STK39: variants seen among roughly 807,000 people sequenced by gnomAD.
The protein encoded by STK39 is serine/threonine kinase 39, also known as STE20/SPS1-related proline-alanine-rich protein kinase.
Under a neutral mutation model 77.8 loss-of-function variants are expected in STK39, and 20 were observed. The ratio of observed to expected loss-of-function variants is 0.26; its 90% CI spans 0.18 to 0.37. STK39 has a LOEUF of 0.37. STK39 is among the 10% of genes least tolerant of loss of function. STK39 has a pLI of 1.00. For synonymous variants in STK39, 246 were observed against 234.1 expected, an observed-to-expected ratio of 1.05 and a Z score of -0.47; for missense variants, 479 against 656.5, an observed-to-expected ratio of 0.73 and a Z score of 2.95.
intron 16 of STK39, among the ~76,000 whole-genome samples, chr2:167,987,977 T>C (rs1683602708): frequency 6.6e-6 from 1 of 152,192 alleles, no homozygotes; most frequent in Admixed American, 6.5e-5. Flanking sequence ...TCGTATTTGC[T>C]CCATTTGCAG....
chr2:167,983,453 C>CA lies in STK39; in HGVS notation c.1499-18728dup, dbSNP rs761596679. ...TGCGCAACAAGAGTGAAACTCCATC[C>CA]AAAAAAAAAAAAAAAAAGAAATGAA... is the stretch of plus-strand genomic sequence containing the variant. On this transcript the variant is annotated intron_variant, in intron 16 of 17. Transcript: ENST00000355999. 7.7e-3 allele frequency among the ~76,000 whole-genome samples: 708 copies of CA among 92,108 alleles called. 16 individuals carry two copies. Among genetic ancestry groups the CA allele is most frequent in the Middle Eastern group, 0.022 (4 of 184 alleles). 60.4% of individuals were successfully genotyped at this position (92,108 alleles called of 152,430 possible). A position where few individuals can be genotyped will look rare whatever the true frequency, so the allele number is the denominator to read the frequency against.
At chr2:168,155,593 T>C (rs1688406347) in intron 5 of STK39, among the ~76,000 whole-genome samples, 1 of 146,430 alleles carries the variant, frequency 6.8e-6, no homozygotes, top group South Asian at 2.2e-4. Context: ...TTAATTTTCA[T>C]GTGTATTCTA....
chr2:168,007,959 C>T (rs993797227), intron 16 of STK39, among the ~76,000 whole-genome samples: 1 of 152,154 alleles, frequency 6.6e-6, no homozygotes, highest in Non-Finnish European at 1.5e-5. Context: ...AGTAAAGTCA[C>T]AAGGTTGTGC....
intron 2 of STK39, among the ~76,000 whole-genome samples, chr2:168,174,583 T>C (rs1574527479): frequency 6.6e-6 from 1 of 152,256 alleles, no homozygotes; most frequent in Admixed American, 6.5e-5. Flanking sequence ...TTTTGGGCTC[T>C]AAAAGTGCTG....
At chr2:168,069,826 G>GT (rs1685893240) in intron 12 of STK39, among the ~76,000 whole-genome samples, 1 of 152,168 alleles carries the variant, frequency 6.6e-6, no homozygotes, top group Admixed American at 6.5e-5. Context: ...TCCAGCCAGG[G>GT]TTGTGAACTG....
chr2:167,997,590 T>C (rs1188809961), intron 16 of STK39, among the ~76,000 whole-genome samples: 1 of 152,200 alleles, frequency 6.6e-6, no homozygotes, highest in East Asian at 1.9e-4. Flanking sequence ...GAGCTGGGAT[T>C]TGAACCTGCA....
chr2:168,201,497 G>A (rs16855112), intron 1 of STK39, among the ~76,000 whole-genome samples: 4,902 of 152,156 alleles, frequency 0.032, 252 homozygotes, highest in East Asian at 0.24. Flanking sequence ...TCAGTGAGCC[G>A]GCCTCACACC....
chr2:168,018,750 C>T (rs937109999), intron 14 of STK39, among the ~76,000 whole-genome samples: 1 of 152,100 alleles, frequency 6.6e-6, no homozygotes, highest in African/African-American at 2.4e-5. Flanking sequence ...GTAAAACCTC[C>T]TGGTCTCTGT....
At chr2:168,197,322 C>T (rs1229438672) in intron 1 of STK39, among the ~76,000 whole-genome samples, 6 of 152,178 alleles carry the variant, frequency 3.9e-5, no homozygotes. Flanking sequence ...ATAATCATCA[C>T]TCCATTTTAT....
At chr2:167,967,457 T>C (rs1254237483) in intron 16 of STK39, among the ~76,000 whole-genome samples, 1 of 152,206 alleles carries the variant, frequency 6.6e-6, no homozygotes, top group African/African-American at 2.4e-5. Flanking sequence ...TTTCTATTTT[T>C]TTGTTTCTCT....
chr2:167,956,788 T>A (rs1012585062), intron 17 of STK39, among the ~76,000 whole-genome samples: 5 of 136,546 alleles, frequency 3.7e-5, no homozygotes, highest in Non-Finnish European at 6.2e-5. Context: ...AGTACATAAA[T>A]CAGAATTGGA....
intron 1 of STK39, among the ~76,000 whole-genome samples, chr2:168,193,231 G>A (rs10930310): frequency 0.32 from 48,987 of 151,968 alleles, 8,221 homozygotes; most frequent in East Asian, 0.46. Context: ...GACAACCTGA[G>A]GCCCTCCCCT....
intron 17 of STK39, among the ~76,000 whole-genome samples, chr2:167,956,120 A>G (rs1691756036): frequency 6.6e-6 from 1 of 152,248 alleles, no homozygotes; most frequent in South Asian, 2.1e-4. Context: ...AATAAGTTTT[A>G]CAGGGAAAGG....
chr2:168,182,813 A>G (rs1689116962), intron 1 of STK39, among the ~76,000 whole-genome samples: 1 of 152,154 alleles, frequency 6.6e-6, no homozygotes, highest in South Asian at 2.1e-4. Flanking sequence ...TATACTCCAT[A>G]GGGGCAAAAA....
In STK39 at chr2:168,039,593, C is replaced by T. The variant is rs1217621638; in HGVS notation, c.1377-22498G>A. ...CGACCTGGGCGACAGAGCGAGACTC[C>T]GTCTCCAAAAAAAAAAAAAAAAAAA... is the stretch of plus-strand genomic sequence containing the variant. On this transcript the variant is annotated intron_variant, in intron 14 of 17. Transcript: ENST00000355999. 3.1e-4 allele frequency among the ~76,000 whole-genome samples: 4 copies of T among 12,892 alleles called. 1 individual carries two copies. The highest frequency in any genetic ancestry group is 8.8e-4 in the African/African-American group (4 of 4,524). 8.5% of individuals were successfully genotyped at this position (12,892 alleles called of 152,430 possible). A position where few individuals can be genotyped will look rare whatever the true frequency, so the allele number is the denominator to read the frequency against.
rs1262906016 is a variant in STK39 at position 168,138,027 on chromosome 2, C to A, written c.974+61G>T. On this transcript the variant is annotated intron_variant, in intron 8 of 17. Transcript: ENST00000355999. ...TCCTCACAAAGCCTTTCCCCATCTA[C>A]AAACAAAGCTTTGTCATGGCTCAAA... is the stretch of plus-strand genomic sequence containing the variant. 2.9e-5 allele frequency: 46 copies of A among 1,562,364 alleles called. No individual in the cohort carries two copies. In the Admixed American group the frequency reaches 7.5e-4, roughly 25 times the overall value.
At chr2:168,094,731 TTCTC>T (rs1008075208) in intron 10 of STK39, among the ~76,000 whole-genome samples, 7 of 152,136 alleles carry the variant, frequency 4.6e-5, no homozygotes, top group African/African-American at 1.7e-4. Flanking sequence ...GGCTCCTTTG[TTCTC>T]TCTGTCATGT....
Position 168,193,952 on chromosome 2 carries a change from T to C in STK39, c.209-11862A>G, listed in dbSNP as rs910173952. ...TAAGGGAATCGAGTTTAGGCCCCCA[T>C]GGAAGGAACTGGAAAGGAGGCCTGA... On this transcript the variant is annotated intron_variant, in intron 1 of 17. Coordinates refer to ENST00000355999, the MANE Select transcript of STK39 (RefSeq NM_013233.3). Among the ~76,000 whole-genome samples the C allele has an allele frequency of 7.2e-5, 11 of 152,166 alleles. No homozygotes were observed. The East Asian group carries it at 2.1e-3, about 29-fold the overall frequency.
At chr2:168,080,182 T>C (rs1029620124) in intron 10 of STK39, among the ~76,000 whole-genome samples, 1 of 152,218 alleles carries the variant, frequency 6.6e-6, no homozygotes, top group African/African-American at 2.4e-5. Context: ...GGTAGAACTT[T>C]GAACTTGAGA....
Sources: allele counts gnomAD v4.1 joint callset (sites outside exome capture counted in the v4.1 genomes callset), GRCh38; gene constraint gnomAD v4.1.1; transcripts MANE v1.5; gene names NCBI Gene and HGNC (gene_info 2026-07-23, HGNC 2026-07-21).